NRG1: variants seen among roughly 807,000 people sequenced by gnomAD.
NRG1 encodes neuregulin 1.
In NRG1, 18 loss-of-function variants were observed where a neutral mutation model predicts 63.8. The ratio of observed to expected loss-of-function variants is 0.28; its 90% CI spans 0.19 to 0.42. NRG1 has a LOEUF of 0.42. Ranked by LOEUF, NRG1 falls within the 10% of genes least tolerant of loss-of-function variation. NRG1 has a pLI of 1.00. For synonymous variants in NRG1, 302 were observed against 301.3 expected (o/e 1.00, Z -0.02); for missense variants, 762 against 814.7 (o/e 0.94, Z 0.79).
At chr8:32,193,402 C>T (rs1351051022) in intron 1 of NRG1, among the ~76,000 whole-genome samples, 3 of 151,888 alleles carry the variant, frequency 2.0e-5, no homozygotes, top group South Asian at 2.1e-4. Flanking sequence ...CATCTTAATG[C>T]AGGCTTTTAG....
In NRG1 at chr8:32,050,351, G is replaced by T. The variant is rs910905913; in HGVS notation, c.37+410920G>T. Among the ~76,000 whole-genome samples, 8 of 152,076 alleles carry T rather than the reference G, an allele frequency of 5.3e-5. No individual in the cohort carries two copies. The South Asian group carries it at 1.0e-3, about 20-fold the overall frequency. ...ACCTTCAATGAGTTATTGTTTTATT[G>T]TTCCTTGGGAGCTTCCACTGAACGT... On this transcript the variant is annotated intron_variant, in intron 1 of 10. Transcript: ENST00000519301.
At chr8:32,383,684 G>T (rs111903846) in intron 1 of NRG1, among the ~76,000 whole-genome samples, 2 of 152,148 alleles carry the variant, frequency 1.3e-5, no homozygotes, top group South Asian at 4.1e-4. Flanking sequence ...TTTTTACTGC[G>T]CCACCTTACG....
rs1046460409 is a variant in NRG1, at chr8:31,654,541, C to T, written c.37+15110C>T. ...ATCGGCTGTTCGGCTTTGTAAGGAT[C>T]TTGAGTTCAAGGTCACTAAAGAACA... On this transcript the variant is annotated intron_variant, in intron 1 of 10. Coordinates refer to the NRG1 transcript ENST00000519301. Among the ~76,000 whole-genome samples the T allele has an allele frequency of 2.6e-5, 4 of 152,210 alleles. No individual in the cohort carries two copies. In the East Asian group the frequency reaches 7.7e-4, roughly 29 times the overall value.
intron 1 of NRG1, among the ~76,000 whole-genome samples, chr8:32,427,498 A>G (rs1056996285): frequency 6.6e-6 from 1 of 152,178 alleles, no homozygotes; most frequent in Non-Finnish European, 1.5e-5. Context: ...AGGAGCTGCG[A>G]CTGGGGCAGA....
At chr8:31,879,108 G>A (rs892218357) in intron 1 of NRG1, among the ~76,000 whole-genome samples, 4 of 152,116 alleles carry the variant, frequency 2.6e-5, no homozygotes, top group South Asian at 2.1e-4. Context: ...CAAGGGGCAC[G>A]CATTACACAA....
chr8:32,574,045 T>A (rs1839155589), intron 1 of NRG1, among the ~76,000 whole-genome samples: 1 of 152,200 alleles, frequency 6.6e-6, no homozygotes, highest in Non-Finnish European at 1.5e-5. Flanking sequence ...CTTAATCCAG[T>A]CTATCATTGT....
intron 1 of NRG1, among the ~76,000 whole-genome samples, chr8:31,854,274 C>T (rs1275867653): frequency 5.9e-5 from 9 of 152,086 alleles, no homozygotes; most frequent in Non-Finnish European, 1.0e-4. Context: ...CTATTGATTA[C>T]TGCCACAATT....
chr8:32,330,444 G>C (rs1291479896), intron 1 of NRG1, among the ~76,000 whole-genome samples: 1 of 152,180 alleles, frequency 6.6e-6, no homozygotes, highest in Non-Finnish European at 1.5e-5. Flanking sequence ...GGTTTATTGG[G>C]GAGTGTTCTC....
At chr8:32,342,962 T>A (rs945698737) in intron 1 of NRG1, among the ~76,000 whole-genome samples, 1 of 152,186 alleles carries the variant, frequency 6.6e-6, no homozygotes, top group Non-Finnish European at 1.5e-5. Context: ...ATGAGATCTT[T>A]AAGAAGAAGA....
chr8:32,677,422 T>C (rs572553714), intron 5 of NRG1, among the ~76,000 whole-genome samples: 1 of 152,258 alleles, frequency 6.6e-6, no homozygotes, highest in South Asian at 2.1e-4. Flanking sequence ...TTTGGGAAGC[T>C]GAGCGGGGTG....
intron 1 of NRG1, among the ~76,000 whole-genome samples, chr8:32,112,930 A>G (rs113252019): frequency 2.0e-4 from 30 of 152,334 alleles, no homozygotes; most frequent in African/African-American, 6.5e-4. Context: ...AATTGGAATA[A>G]CAATGCTGTG....
chr8:31,994,414 A>G (rs1811579078), intron 1 of NRG1, among the ~76,000 whole-genome samples: 1 of 151,820 alleles, frequency 6.6e-6, no homozygotes, highest in Non-Finnish European at 1.5e-5. Flanking sequence ...GCACTTTGGG[A>G]AGCCGAGGTG....
chr8:32,447,934 C>A (rs1820477610), intron 1 of NRG1, among the ~76,000 whole-genome samples: 1 of 151,762 alleles, frequency 6.6e-6, no homozygotes, highest in Non-Finnish European at 1.5e-5. Context: ...TACTATAACT[C>A]CTTATGATAA....
chr8:31,709,311 AT>A (rs1355183575), intron 1 of NRG1, among the ~76,000 whole-genome samples: 1 of 151,852 alleles, frequency 6.6e-6, no homozygotes, highest in Non-Finnish European at 1.5e-5. Context: ...ATATTTGACC[AT>A]TCTTGCTTTC....
At chr8:31,679,927 A>G (rs567592373) in intron 1 of NRG1, among the ~76,000 whole-genome samples, 1 of 152,230 alleles carries the variant, frequency 6.6e-6, no homozygotes, top group South Asian at 2.1e-4. Context: ...AAATATTTGG[A>G]AAAGGTAACA....
At position 32,605,688 on chromosome 8, in the gene NRG1, G is replaced by C. The variant is rs1563751890; in HGVS notation, c.400+5G>C. On this transcript the variant is annotated splice_donor_5th_base_variant and intron_variant, in intron 3 of 11. Transcript: ENST00000356819. ...TCACCATCGTGGAATCAAACGGTAA[G>C]AGATACCTACGGTATTCTGTTCCTC... is the stretch of plus-strand genomic sequence containing the variant. 13 of 1,612,512 alleles carry C rather than the reference G, an allele frequency of 8.1e-6. No individual in the cohort carries two copies. The highest frequency in any genetic ancestry group is 8.5e-6 in the Non-Finnish European group (10 of 1,179,002).
chr8:32,455,320 T>C (rs1821467099), intron 1 of NRG1, among the ~76,000 whole-genome samples: 1 of 152,170 alleles, frequency 6.6e-6, no homozygotes, highest in Non-Finnish European at 1.5e-5. Context: ...TAGTGCACAT[T>C]CAATACTAAA....
At chr8:32,437,153 T>A (rs1818891495) in intron 1 of NRG1, among the ~76,000 whole-genome samples, 1 of 152,124 alleles carries the variant, frequency 6.6e-6, no homozygotes, top group South Asian at 2.1e-4. Flanking sequence ...AAGTCTAGAC[T>A]ATTTTGTTTT....
At chr8:31,825,376 A>G (rs1824445724) in intron 1 of NRG1, among the ~76,000 whole-genome samples, 1 of 151,712 alleles carries the variant, frequency 6.6e-6, no homozygotes, top group Non-Finnish European at 1.5e-5. Flanking sequence ...TGACAGAGGG[A>G]GACTCCATCT....
Sources: gnomAD v4.1 joint callset for allele counts (sites outside exome capture counted in the v4.1 genomes callset) on GRCh38, gnomAD v4.1.1 for gene constraint, MANE v1.5 for transcripts, NCBI Gene and HGNC (gene_info 2026-07-23, HGNC 2026-07-21) for gene names.